CAMK4: variants seen among roughly 807,000 people sequenced by gnomAD.
CAMK4 encodes the protein calcium/calmodulin dependent protein kinase IV.
Under a neutral mutation model 44.9 loss-of-function variants are expected in CAMK4, and 22 were observed. That is an observed-to-expected ratio of 0.49 (90% CI 0.35 to 0.70). The LOEUF (loss-of-function observed/expected upper bound fraction) is 0.70. Among genes scored for constraint, CAMK4 ranks in the 30% least tolerant of loss-of-function variants. The pLI is 0.01. For synonymous variants in CAMK4, 218 were observed against 215.4 expected, an observed-to-expected ratio of 1.01 and a Z score of -0.11; for missense variants, 498 against 586.8, an observed-to-expected ratio of 0.85 and a Z score of 1.56.
intron 2 of CAMK4, among the ~76,000 whole-genome samples, chr5:111,355,486 T>TTTATTTATTTATTTA (rs1554064297): frequency 1.6e-4 from 23 of 146,822 alleles, no homozygotes; most frequent in Admixed American, 2.0e-4. Flanking sequence ...TCTGCATTCT[T>TTTATTTATTTATTTA]TTTATTTATT....
At chr5:111,256,201 G>C (rs1378500530) in intron 1 of CAMK4, among the ~76,000 whole-genome samples, 2 of 152,208 alleles carry the variant, frequency 1.3e-5, no homozygotes, top group Non-Finnish European at 2.9e-5. Context: ...GTGTGATTCT[G>C]CTTATATAAC....
rs139752308 is a variant in CAMK4, at chr5:111,407,072, G to A, written c.459+12290G>A. On this transcript the variant is annotated intron_variant, in intron 5 of 10. Transcript: ENST00000282356. ...GTGGCAGCATGAAAGAAAAACACAA[G>A]GCCGGGTGCGATGGCTCATGCCTGT... is the stretch of plus-strand genomic sequence containing the variant. Among the ~76,000 whole-genome samples the A allele has an allele frequency of 3.6e-3, 554 of 152,254 alleles. 3 individuals are homozygous for A. Among genetic ancestry groups the A allele is most frequent in the African/African-American group, 0.012 (512 of 41,558 alleles).
chr5:111,368,591 A>T (rs1482378736), intron 2 of CAMK4, among the ~76,000 whole-genome samples: 2 of 152,132 alleles, frequency 1.3e-5, no homozygotes, highest in Non-Finnish European at 2.9e-5. Flanking sequence ...CCCTCAGCTT[A>T]TCCTTCTGGG....
At chr5:111,343,526 T>A (rs576266055) in intron 1 of CAMK4, among the ~76,000 whole-genome samples, 1 of 151,778 alleles carries the variant, frequency 6.6e-6, no homozygotes, top group Non-Finnish European at 1.5e-5. Context: ...GCTTCACAGA[T>A]TACCATCTCC....
chr5:111,450,835 G>A (rs556955631), intron 7 of CAMK4, among the ~76,000 whole-genome samples: 7 of 151,420 alleles, frequency 4.6e-5, no homozygotes, highest in South Asian at 4.2e-4. Context: ...AAATTATAGC[G>A]TCTTAAGAAA....
intron 4 of CAMK4, among the ~76,000 whole-genome samples, chr5:111,391,130 G>T (rs545828130): frequency 1.3e-5 from 2 of 152,094 alleles, no homozygotes; most frequent in African/African-American, 4.8e-5. Context: ...AAAATCTAAA[G>T]TCCCTTGGGG....
chr5:111,445,750 T>C (rs1754003316), intron 5 of CAMK4, among the ~76,000 whole-genome samples: 1 of 152,224 alleles, frequency 6.6e-6, no homozygotes, highest in Admixed American at 6.5e-5. Flanking sequence ...ATTTGATATA[T>C]GTAAAGAAAT....
At chr5:111,277,913 C>T (rs1028721199) in intron 1 of CAMK4, among the ~76,000 whole-genome samples, 15 of 151,964 alleles carry the variant, frequency 9.9e-5, no homozygotes, top group African/African-American at 3.4e-4. Flanking sequence ...AAATTCAGTA[C>T]TGTCATAAGT....
chr5:111,453,792 G>T (rs1754319370), intron 7 of CAMK4, among the ~76,000 whole-genome samples: 1 of 152,194 alleles, frequency 6.6e-6, no homozygotes, highest in Admixed American at 6.5e-5. Flanking sequence ...GCCTTTTGGG[G>T]TATTTTCTTG....
intron 1 of CAMK4, among the ~76,000 whole-genome samples, chr5:111,317,743 CT>C (rs1222421231): frequency 6.6e-6 from 1 of 151,958 alleles, no homozygotes; most frequent in African/African-American, 2.4e-5. Context: ...ACAGATTCCT[CT>C]GCTCAAAAGG....
intron 1 of CAMK4, among the ~76,000 whole-genome samples, chr5:111,250,763 C>T (rs570055223): frequency 5.3e-5 from 8 of 152,258 alleles, no homozygotes; most frequent in South Asian, 2.1e-4. Flanking sequence ...ACATTTCCTG[C>T]GAGGCAACAT....
At chr5:111,238,625 C>A (rs564584551) in intron 1 of CAMK4, among the ~76,000 whole-genome samples, 1 of 151,216 alleles carries the variant, frequency 6.6e-6, no homozygotes, top group African/African-American at 2.4e-5. Context: ...AGCCCTGTAC[C>A]CTTTTCCCCC....
At chr5:111,344,186 C>T in intron 2 of CAMK4, 84 bp downstream of exon 2, 2 of 795,188 alleles carry the variant, frequency 2.5e-6, no homozygotes, top group Non-Finnish European at 4.3e-6. Context: ...AACAAAGGGG[C>T]CAGAGAGCTG....
intron 7 of CAMK4, among the ~76,000 whole-genome samples, chr5:111,470,212 G>A (rs951897289): frequency 1.1e-4 from 17 of 152,324 alleles, no homozygotes; most frequent in African/African-American, 4.1e-4. Context: ...TTTCTGTGGG[G>A]TACAGATTGC....
At chr5:111,414,381 TCAG>T (rs997332616) in intron 5 of CAMK4, among the ~76,000 whole-genome samples, 3 of 151,752 alleles carry the variant, frequency 2.0e-5, no homozygotes, top group East Asian at 1.9e-4. Context: ...TCTCCACCTC[TCAG>T]CAGCAGCAGC....
Position 111,493,197 on chromosome 5 carries a change from A to G in CAMK4, c.*8731A>G, listed in dbSNP as rs138323892. On this transcript the variant is annotated 3_prime_UTR_variant, in exon 11 of 11. Coordinates refer to ENST00000282356, the MANE Select transcript of CAMK4 (RefSeq NM_001744.6). The surrounding 1 kb of genome is among the most constrained non-coding windows in gnomAD (Gnocchi z 4.1). The stretch of plus-strand genomic sequence containing the variant: ...TGTGCAGCCTTTCCTCAGAGCATCT[A>G]GCCTGACATACTTGGCTCATCTGCT... The G allele has an allele frequency of 2.6e-5, 4 of 152,316 alleles. No homozygotes were observed. Among genetic ancestry groups the G allele is most frequent in the Non-Finnish European group, 4.4e-5 (3 of 68,034 alleles). 9.4% of individuals were successfully genotyped at this position (152,316 alleles called of 1,614,324 possible). A position where few individuals can be genotyped will look rare whatever the true frequency, so the allele number is the denominator to read the frequency against.
intron 2 of CAMK4, among the ~76,000 whole-genome samples, chr5:111,356,580 T>C (rs1236281401): frequency 6.6e-6 from 1 of 152,252 alleles, no homozygotes; most frequent in Non-Finnish European, 1.5e-5. Flanking sequence ...TCCTTGCCCA[T>C]GCCTGTGTCC....
At chr5:111,397,575 G>A (rs1752065320) in intron 5 of CAMK4, among the ~76,000 whole-genome samples, 1 of 151,578 alleles carries the variant, frequency 6.6e-6, no homozygotes, top group African/African-American at 2.4e-5. Context: ...CCAATAGAAA[G>A]TTTAAAAAGG....
intron 2 of CAMK4, among the ~76,000 whole-genome samples, chr5:111,364,201 G>A (rs1395197320): frequency 4.0e-5 from 1 of 25,312 alleles, no homozygotes; most frequent in Non-Finnish European, 7.2e-5. Flanking sequence ...AAAGATGAGA[G>A]TTATTAATCA....
Sources: allele counts gnomAD v4.1 joint callset (sites outside exome capture counted in the v4.1 genomes callset), GRCh38; gene constraint gnomAD v4.1.1; non-coding constraint Gnocchi (gnomAD v3.1); transcripts MANE v1.5; gene names NCBI Gene and HGNC (gene_info 2026-07-23, HGNC 2026-07-21).